RPS6KA2: variants seen among roughly 807,000 people sequenced by gnomAD.
The protein encoded by RPS6KA2 is ribosomal protein S6 kinase alpha-2.
In RPS6KA2, 42 loss-of-function variants were observed where a neutral mutation model predicts 91.8. The ratio of observed to expected loss-of-function variants is 0.46; its 90% CI spans 0.36 to 0.59. RPS6KA2 has a LOEUF of 0.59. Ranked by LOEUF, RPS6KA2 falls within the 20% of genes least tolerant of loss-of-function variation. The probability of loss-of-function intolerance (pLI) is 0.00; values close to 1 mark genes in which losing one functional copy is unlikely to be tolerated. For synonymous variants in RPS6KA2, 414 were observed against 393.6 expected, an observed-to-expected ratio of 1.05 and a Z score of -0.61; for missense variants, 798 against 978.5, an observed-to-expected ratio of 0.82 and a Z score of 2.46.
intron 2 of RPS6KA2, among the ~76,000 whole-genome samples, chr6:166,730,463 G>A (rs1222248166): frequency 6.6e-6 from 1 of 152,154 alleles, no homozygotes; most frequent in Admixed American, 6.5e-5. Flanking sequence ...ATGATTATAT[G>A]AAATTTGCAA....
At chr6:166,651,735 A>G (rs569971967) in intron 2 of RPS6KA2, among the ~76,000 whole-genome samples, 1 of 152,376 alleles carries the variant, frequency 6.6e-6, no homozygotes, top group South Asian at 2.1e-4. Flanking sequence ...GTGTTTATGC[A>G]GTGATGTGTG....
chr6:166,742,099 C>T lies in RPS6KA2; in HGVS notation c.123+116101G>A, dbSNP rs1790833611. Among the ~76,000 whole-genome samples, 3 of 152,154 alleles carry T rather than the reference C, an allele frequency of 2.0e-5. No homozygotes were observed. The South Asian group carries it at 6.2e-4, about 32-fold the overall frequency. On this transcript the variant is annotated intron_variant, in intron 2 of 21. Transcript: ENST00000503859. The stretch of plus-strand genomic sequence containing the variant: ...GCCAAGCTGAGATCACACCACTGCA[C>T]TCCAGCCTGGGTAACAGAGCGAGAC...
intron 1 of RPS6KA2, among the ~76,000 whole-genome samples, chr6:166,600,401 C>T (rs1021677442): frequency 4.6e-5 from 7 of 152,218 alleles, no homozygotes; most frequent in Non-Finnish European, 8.8e-5. Context: ...CCAGGCAATG[C>T]CTGGCACCTT....
intron 14 of RPS6KA2, among the ~76,000 whole-genome samples, chr6:166,439,353 C>T (rs976699334): frequency 6.6e-6 from 1 of 152,272 alleles, no homozygotes; most frequent in African/African-American, 2.4e-5. Context: ...GGTGATCCAA[C>T]TGCCTTGGCC....
intron 1 of RPS6KA2, among the ~76,000 whole-genome samples, chr6:166,621,043 G>A (rs192851395): frequency 6.6e-6 from 1 of 152,204 alleles, no homozygotes; most frequent in African/African-American, 2.4e-5. Context: ...CCCAGCCTGG[G>A]GAGCTTTGCA....
At chr6:166,453,670 C>T (rs1256097906) in intron 12 of RPS6KA2, among the ~76,000 whole-genome samples, 1 of 152,206 alleles carries the variant, frequency 6.6e-6, no homozygotes, top group Non-Finnish European at 1.5e-5. Flanking sequence ...CTAAATGGAA[C>T]TATATTCGAT....
chr6:166,789,234 C>T (rs1779013923), intron 2 of RPS6KA2, among the ~76,000 whole-genome samples: 2 of 152,226 alleles, frequency 1.3e-5, no homozygotes, highest in African/African-American at 4.8e-5. Context: ...CTCGGAGGGT[C>T]CTACGCCCAC....
intron 13 of RPS6KA2, 150 bp downstream of exon 13, chr6:166,450,953 C>G: frequency 1.1e-6 from 1 of 919,482 alleles, no homozygotes; most frequent in Non-Finnish European, 1.7e-6. Context: ...ACACTCAGAA[C>G]AATGGGAAGT....
In RPS6KA2 at chr6:166,472,770, G is replaced by A. The variant is rs571530784; in HGVS notation, c.908-2865C>T. ...GGTATCAGGCTGATGCTGGAATCAC[G>A]GCTGGCTCGCTACGGGATGCGGATG... On this transcript the variant is annotated intron_variant, in intron 10 of 20. Transcript: ENST00000265678. Among the ~76,000 whole-genome samples the A allele has an allele frequency of 5.3e-5, 8 of 152,256 alleles. 1 individual carries two copies. The South Asian group carries it at 1.2e-3, about 24-fold the overall frequency.
chr6:166,694,287 C>T (rs1425207785), intron 2 of RPS6KA2, among the ~76,000 whole-genome samples: 3 of 152,328 alleles, frequency 2.0e-5, no homozygotes, highest in African/African-American at 4.8e-5. Flanking sequence ...CACAGAGGAG[C>T]GGGAGTTGGA....
rs1784219669 is a variant in RPS6KA2 at position 166,557,802 on chromosome 6, T to TA, written c.100-19019dup. Reference sequence around the variant, plus strand: ...CTCACTCTGTGAACCCTCACTATCCTAATATTTTCCATAACAACTTGCAAA... The same window carrying TA: ...CTCACTCTGTGAACCCTCACTATCCTAAATATTTTCCATAACAACTTGCAAA... On this transcript the variant is annotated intron_variant, in intron 1 of 20. Coordinates refer to ENST00000265678, the MANE Select transcript of RPS6KA2 (RefSeq NM_021135.6). The surrounding 1 kb of genome is among the most constrained non-coding windows in gnomAD (Gnocchi z 4.8). Among the ~76,000 whole-genome samples the TA allele has an allele frequency of 6.6e-6, 1 of 152,198 alleles. No individual in the cohort carries two copies. The highest frequency in any genetic ancestry group is 6.5e-5 in the Admixed American group (1 of 15,280).
intron 2 of RPS6KA2, among the ~76,000 whole-genome samples, chr6:166,691,274 G>A (rs1356960818): frequency 1.3e-5 from 2 of 152,052 alleles, no homozygotes; most frequent in Non-Finnish European, 2.9e-5. Flanking sequence ...CTGTTTTCAC[G>A]GCCCGCATGC....
chr6:166,769,742 G>T (rs1778415226), intron 2 of RPS6KA2, among the ~76,000 whole-genome samples: 2 of 152,302 alleles, frequency 1.3e-5, no homozygotes, highest in Admixed American at 6.5e-5. Flanking sequence ...TCTCTTCCAG[G>T]ATTTGGGACC....
At chr6:166,669,709 G>A (rs990356145) in intron 2 of RPS6KA2, among the ~76,000 whole-genome samples, 10 of 152,244 alleles carry the variant, frequency 6.6e-5, no homozygotes, top group South Asian at 4.1e-4. Flanking sequence ...CTGACCCACC[G>A]CGTTTGCTCT....
intron 1 of RPS6KA2, among the ~76,000 whole-genome samples, chr6:166,607,931 GC>G (rs901456854): frequency 1.3e-5 from 2 of 151,896 alleles, no homozygotes; most frequent in African/African-American, 4.8e-5. Context: ...GATCACTTAA[GC>G]CCAGGAGGTG....
chr6:166,430,462 A>G lies in RPS6KA2; in HGVS notation c.1572T>C (p.His524=), dbSNP rs748633862. Residue 524 remains histidine (H), a synonymous_variant, in exon 16 of 21, where the codon CAT becomes CAC. Coordinates refer to ENST00000265678, the MANE Select transcript of RPS6KA2 (RefSeq NM_021135.6). ...CTITKTMDYL[H]SQGVVHRDLK... ...CAGGCATGGCTCCTACCCCCTGGGA[A>G]TGGAGGTAGTCCATGGTCTTGGTGA... 251 of 1,611,846 alleles carry G rather than the reference A, an allele frequency of 1.6e-4. No homozygotes were observed. The highest frequency in any genetic ancestry group is 2.0e-4 in the Non-Finnish European group (239 of 1,178,716).
chr6:166,850,282 C>G (rs1780706563), intron 2 of RPS6KA2, among the ~76,000 whole-genome samples: 1 of 151,928 alleles, frequency 6.6e-6, no homozygotes. Context: ...CACCTTGCAT[C>G]TTACCCAAAC....
intron 1 of RPS6KA2, among the ~76,000 whole-genome samples, chr6:166,601,370 A>G (rs1447363601): frequency 6.6e-6 from 1 of 152,260 alleles, no homozygotes; most frequent in African/African-American, 2.4e-5. Flanking sequence ...AAAGTAAGTT[A>G]ATCTAGTTAG....
At chr6:166,541,251 C>T (rs56292717) in intron 1 of RPS6KA2, among the ~76,000 whole-genome samples, 1,954 of 152,356 alleles carry the variant, frequency 0.013, 31 homozygotes, top group Non-Finnish European at 0.019. Flanking sequence ...AATTCAACAC[C>T]GCCCAGAGGT....
Sources: gnomAD v4.1 joint callset for allele counts (sites outside exome capture counted in the v4.1 genomes callset) on GRCh38, gnomAD v4.1.1 for gene constraint, Gnocchi (gnomAD v3.1) non-coding constraint, MANE v1.5 for transcripts, NCBI Gene and HGNC (gene_info 2026-07-23, HGNC 2026-07-21) for gene names.